SUSD1: variants seen among roughly 807,000 people sequenced by gnomAD.
SUSD1 encodes the protein sushi domain-containing protein 1.
Under a neutral mutation model 86.9 loss-of-function variants are expected in SUSD1, and 65 were observed. That is an observed-to-expected ratio of 0.75 (90% CI 0.61 to 0.92). The LOEUF (loss-of-function observed/expected upper bound fraction) is 0.92. SUSD1 is among the 40% of genes least tolerant of loss of function. SUSD1 has a pLI of 0.00. For synonymous variants in SUSD1, 346 were observed against 350.0 expected, an observed-to-expected ratio of 0.99 and a Z score of 0.13; for missense variants, 850 against 929.7, an observed-to-expected ratio of 0.91 and a Z score of 1.11.
In SUSD1 at chr9:112,140,303, C is replaced by A. The variant is rs1307945113; in HGVS notation, c.706+2017G>T. The stretch of plus-strand genomic sequence containing the variant: ...CGTGAACCCGGGAAGCGGAGCTTGC[C>A]GTGAGCCGAGATTGCGCCACTGCAG... On this transcript the variant is annotated intron_variant, in intron 5 of 16. Coordinates refer to ENST00000374270, the MANE Select transcript of SUSD1 (RefSeq NM_022486.5). 3.6e-4 allele frequency among the ~76,000 whole-genome samples: 30 copies of A among 83,566 alleles called. 6 individuals carry two copies. Among genetic ancestry groups the A allele is most frequent in the African/African-American group, 4.4e-4 (5 of 11,282 alleles). 54.8% of individuals were successfully genotyped at this position (83,566 alleles called of 152,430 possible).
At position 112,142,299 on chromosome 9, in the gene SUSD1, C is replaced by A. The variant is rs548755453; in HGVS notation, c.706+21G>T. The A allele has an allele frequency of 7.8e-6, 12 of 1,529,174 alleles. No homozygotes were observed. In the East Asian group the frequency reaches 2.9e-4, roughly 36 times the overall value. 94.7% of individuals were successfully genotyped at this position (1,529,174 alleles called of 1,614,324 possible). A position where few individuals can be genotyped will look rare whatever the true frequency, so the allele number is the denominator to read the frequency against. On this transcript the variant is annotated intron_variant, in intron 5 of 16. Coordinates refer to ENST00000374270, the MANE Select transcript of SUSD1 (RefSeq NM_022486.5). ...TTTCAAGGTGGTATGAATTGGGAAC[C>A]TGTATTTTTTGAAAACTCACCTTGG...
At chr9:112,141,881 G>GTA (rs1361685277) in intron 5 of SUSD1, among the ~76,000 whole-genome samples, 4 of 132,528 alleles carry the variant, frequency 3.0e-5, no homozygotes, top group East Asian at 5.3e-4. Context: ...ATATGTGTGT[G>GTA]TATATATATG....
intron 10 of SUSD1, among the ~76,000 whole-genome samples, chr9:112,087,749 C>T (rs1048041275): frequency 1.3e-5 from 2 of 152,086 alleles, no homozygotes; most frequent in African/African-American, 2.4e-5. Flanking sequence ...AAAGATCCAA[C>T]ACATGTATAA....
intron 15 of SUSD1, among the ~76,000 whole-genome samples, chr9:112,044,551 T>A (rs1320428275): frequency 6.6e-6 from 1 of 152,198 alleles, no homozygotes; most frequent in Non-Finnish European, 1.5e-5. Context: ...TTGATACTGT[T>A]TCAGATCATT....
chr9:112,157,370 C>T (rs1833372267), intron 2 of SUSD1, 130 bp downstream of exon 2: 2 of 642,758 alleles, frequency 3.1e-6, no homozygotes, highest in Admixed American at 3.0e-5. Flanking sequence ...TTATAATTGA[C>T]AAAACTTCTC....
chr9:112,090,906 T>C (rs1830179876), intron 10 of SUSD1, among the ~76,000 whole-genome samples: 2 of 152,154 alleles, frequency 1.3e-5, no homozygotes, highest in African/African-American at 2.4e-5. Flanking sequence ...AAAATGAAGG[T>C]ACTAAAAAGA....
At chr9:112,155,521 A>G (rs1669935689) in intron 2 of SUSD1, among the ~76,000 whole-genome samples, 1 of 152,186 alleles carries the variant, frequency 6.6e-6, no homozygotes, top group South Asian at 2.1e-4. Context: ...ATGGTGGGTG[A>G]CTGTAAAAGC....
At chr9:112,080,387 C>T (rs1829712202) in intron 10 of SUSD1, among the ~76,000 whole-genome samples, 1 of 152,086 alleles carries the variant, frequency 6.6e-6, no homozygotes, top group African/African-American at 2.4e-5. Context: ...GAGGACCCCT[C>T]TTAAGAATTA....
At chr9:112,135,836 C>G (rs947582285) in intron 5 of SUSD1, among the ~76,000 whole-genome samples, 1 of 152,168 alleles carries the variant, frequency 6.6e-6, no homozygotes, top group Admixed American at 6.5e-5. Flanking sequence ...ATTCATTATC[C>G]GATTAAATCT....
rs537143228 is a variant in SUSD1 at position 112,173,697 on chromosome 9, T to A, written c.103+1436A>T. On this transcript the variant is annotated intron_variant, in intron 1 of 16. Coordinates refer to ENST00000374270, the MANE Select transcript of SUSD1 (RefSeq NM_022486.5). The stretch of plus-strand genomic sequence containing the variant: ...TTTCCCAAGCTTGAGGTGGGCAACG[T>A]AGGCAAGAGCTGACACCCTTTGGAA... 6 of 419,210 alleles carry A rather than the reference T, an allele frequency of 1.4e-5. No homozygotes were observed. The East Asian group carries it at 3.7e-4, about 26-fold the overall frequency. The allele number at this position is 419,210 out of a possible 1,614,324, so 26.0% of individuals were successfully genotyped here.
intron 8 of SUSD1, among the ~76,000 whole-genome samples, chr9:112,103,770 G>A (rs1444067445): frequency 6.6e-6 from 1 of 152,118 alleles, no homozygotes; most frequent in African/African-American, 2.4e-5. Flanking sequence ...GAAGAGCCGG[G>A]GCTAAAGAAA....
chr9:112,095,956 A>G (rs893190630), intron 10 of SUSD1, among the ~76,000 whole-genome samples: 9 of 152,326 alleles, frequency 5.9e-5, no homozygotes, highest in Non-Finnish European at 1.2e-4. Flanking sequence ...TGGAACGGGC[A>G]TCAAGAAAGA....
chr9:112,122,986 T>C (rs956829922), intron 6 of SUSD1, among the ~76,000 whole-genome samples: 1 of 152,168 alleles, frequency 6.6e-6, no homozygotes, highest in Non-Finnish European at 1.5e-5. Context: ...TGTTGTTTAA[T>C]GGGTATAAAG....
chr9:112,155,007 T>C (rs1745794314), intron 2 of SUSD1, among the ~76,000 whole-genome samples: 1 of 151,992 alleles, frequency 6.6e-6, no homozygotes, highest in African/African-American at 2.4e-5. Context: ...TCCCAGCACT[T>C]TGGGAGTCTG....
In SUSD1 at chr9:112,143,529, G is replaced by A; in HGVS notation, c.468C>T (p.Tyr156=). Residue 156 remains tyrosine, a synonymous_variant, in exon 4 of 17, where the codon TAC becomes TAT. Transcript: ENST00000374270. ...GSFECYCMDG[Y]LPRNGPEPFH... ...AAGGTTCAGGTCCATTCCTTGGCAA[G>A]TATCCATCCATACAGTAGCATTCAA... is the stretch of plus-strand genomic sequence containing the variant. The A allele has an allele frequency of 6.2e-7, 1 of 1,614,090 alleles. No individual in the cohort carries two copies. Among genetic ancestry groups the A allele is most frequent in the Non-Finnish European group, 8.5e-7 (1 of 1,180,018 alleles).
chr9:112,153,770 T>C (rs1224879477), intron 2 of SUSD1, among the ~76,000 whole-genome samples: 3 of 151,886 alleles, frequency 2.0e-5, no homozygotes, highest in Non-Finnish European at 2.9e-5. Context: ...CCTGCCACCA[T>C]GCCTGGCTAA....
chr9:112,108,708 G>T (rs1045523732), intron 8 of SUSD1, among the ~76,000 whole-genome samples: 1 of 149,490 alleles, frequency 6.7e-6, no homozygotes, highest in African/African-American at 2.5e-5. Flanking sequence ...AGCCCAGGAG[G>T]TCAAGGTTGC....
At chr9:112,078,776 A>C in intron 11 of SUSD1, 52 bp from the exon 12 acceptor site, 1 of 1,363,920 alleles carries the variant, frequency 7.3e-7, no homozygotes, top group Non-Finnish European at 1.0e-6. Flanking sequence ...AAGGCTTTAG[A>C]TGCCTTGAAA....
At chr9:112,087,554 G>GA in intron 10 of SUSD1, among the ~76,000 whole-genome samples, 1 of 152,042 alleles carries the variant, frequency 6.6e-6, no homozygotes. Flanking sequence ...CTAAGTTCAG[G>GA]AAAAAATAAT....
Sources: allele counts gnomAD v4.1 joint callset (sites outside exome capture counted in the v4.1 genomes callset), GRCh38; gene constraint gnomAD v4.1.1; transcripts MANE v1.5; gene names NCBI Gene and HGNC (gene_info 2026-07-23, HGNC 2026-07-21).